Variants in SIK3 observed in about 807,000 individuals in gnomAD.
SIK3 encodes the protein SIK family kinase 3.
A neutral mutation model predicts 144.2 loss-of-function variants in SIK3; 28 were observed. The observed-to-expected ratio is 0.19, with a 90% confidence interval of 0.14 to 0.27. SIK3 has a LOEUF of 0.27. Ranked by LOEUF, SIK3 falls within the 10% of genes least tolerant of loss-of-function variation. The probability of loss-of-function intolerance (pLI) is 1.00; values close to 1 mark genes in which losing one functional copy is unlikely to be tolerated. For synonymous variants in SIK3, 686 were observed against 676.3 expected, an observed-to-expected ratio of 1.01 and a Z score of -0.22; for missense variants, 1,319 against 1,776.0, an observed-to-expected ratio of 0.74 and a Z score of 4.62.
chr11:117,001,188 T>C (rs1223092772), intron 1 of SIK3, among the ~76,000 whole-genome samples: 1 of 152,246 alleles, frequency 6.6e-6, no homozygotes, highest in Non-Finnish European at 1.5e-5. Flanking sequence ...TTGACTAATT[T>C]CTAGGTCATC....
intron 1 of SIK3, among the ~76,000 whole-genome samples, chr11:117,038,768 G>A (rs939030780): frequency 2.0e-5 from 3 of 152,044 alleles, no homozygotes; most frequent in Non-Finnish European, 4.4e-5. Context: ...TCCCACATGC[G>A]GCCAGGCGCA....
At chr11:116,906,583 A>C (rs1946052106) in intron 4 of SIK3, among the ~76,000 whole-genome samples, 1 of 152,194 alleles carries the variant, frequency 6.6e-6, no homozygotes, top group Non-Finnish European at 1.5e-5. Context: ...TAAAGGAAGA[A>C]AGTCAGGAAA....
intron 4 of SIK3, among the ~76,000 whole-genome samples, chr11:116,921,067 C>T (rs1041046241): frequency 1.3e-5 from 2 of 152,160 alleles, no homozygotes; most frequent in Non-Finnish European, 2.9e-5. Context: ...TTCAACTGCT[C>T]TTCTGTGGAT....
At chr11:116,855,458 G>A (rs1410181352) in intron 21 of SIK3, 1 of 152,266 alleles carries the variant, frequency 6.6e-6, no homozygotes, top group Non-Finnish European at 1.5e-5. Flanking sequence ...GCCGAAGAAG[G>A]GGTCCTCTGA....
intron 4 of SIK3, among the ~76,000 whole-genome samples, chr11:116,912,402 C>G (rs1946396001): frequency 6.6e-6 from 1 of 152,182 alleles, no homozygotes; most frequent in African/African-American, 2.4e-5. Context: ...AGGGCAACTG[C>G]AACAGGCAAT....
At chr11:117,036,542 A>G (rs1322235401) in intron 1 of SIK3, among the ~76,000 whole-genome samples, 1 of 152,216 alleles carries the variant, frequency 6.6e-6, no homozygotes, top group Non-Finnish European at 1.5e-5. Flanking sequence ...AGATCTACAT[A>G]TATGCTCTTT....
At chr11:117,091,669 C>T (rs1955254295) in intron 1 of SIK3, among the ~76,000 whole-genome samples, 1 of 152,180 alleles carries the variant, frequency 6.6e-6, no homozygotes. Flanking sequence ...TATTCCTCTA[C>T]AGTGAGAAAG....
intron 6 of SIK3, among the ~76,000 whole-genome samples, chr11:116,881,646 G>A (rs544037580): frequency 6.6e-6 from 1 of 152,070 alleles, no homozygotes; most frequent in East Asian, 1.9e-4. Context: ...GTGTGGATTT[G>A]ACTGAAAATA....
chr11:116,992,925 C>T (rs867732287), intron 1 of SIK3, among the ~76,000 whole-genome samples: 6 of 152,276 alleles, frequency 3.9e-5, no homozygotes, highest in Middle Eastern at 3.4e-3. Context: ...ATAGAGGCTG[C>T]AGTGAGCCGT....
chr11:117,088,326 A>G (rs564479217), intron 1 of SIK3, among the ~76,000 whole-genome samples: 2 of 152,344 alleles, frequency 1.3e-5, no homozygotes, highest in Non-Finnish European at 2.9e-5. Context: ...CCTAATAGTA[A>G]AAGTTTGAGA....
At chr11:116,911,419 A>G (rs562218353) in intron 4 of SIK3, among the ~76,000 whole-genome samples, 5 of 152,228 alleles carry the variant, frequency 3.3e-5, no homozygotes, top group African/African-American at 1.2e-4. Flanking sequence ...AGACAGGAGA[A>G]CTGCTTGAAC....
At chr11:116,964,991 T>G (rs150802971) in intron 1 of SIK3, among the ~76,000 whole-genome samples, 1 of 152,314 alleles carries the variant, frequency 6.6e-6, no homozygotes, top group East Asian at 1.9e-4. Flanking sequence ...GAATGGTGAC[T>G]GTAAAATAGT....
chr11:116,910,971 A>T (rs17120144), intron 4 of SIK3, among the ~76,000 whole-genome samples: 4,886 of 152,270 alleles, frequency 0.032, 235 homozygotes, highest in African/African-American at 0.11. Context: ...AATTGGTGAG[A>T]TCATAAAACA....
intron 6 of SIK3, among the ~76,000 whole-genome samples, chr11:116,887,164 G>C (rs185286903): frequency 4.2e-4 from 63 of 151,536 alleles, no homozygotes; most frequent in Admixed American, 3.6e-3. Context: ...CAGCATTTTG[G>C]GAGGCAGAGC....
Position 117,063,904 on chromosome 11 carries a change from CA to C in SIK3, c.273+34238del, listed in dbSNP as rs112002078. On this transcript the variant is annotated intron_variant, in intron 1 of 24. Transcript: ENST00000445177. ...GATTCCCCATCTTATAAGAAAAAGA[CA>C]AACCTTGTTGGTAATGTTAATACCA... 2.0e-3 allele frequency among the ~76,000 whole-genome samples: 297 copies of C among 152,026 alleles called. 1 individual carries two copies. The highest frequency in any genetic ancestry group is 6.8e-3 in the Middle Eastern group (2 of 294).
rs1941877274 is a variant in SIK3 at position 116,845,619 on chromosome 11, G to A, written c.*24C>T. The stretch of plus-strand genomic sequence containing the variant: ...CAATCAACCTTTTCATTCCCAAGCT[G>A]TACACAAAACCTGGAATAAAGCAGA... On this transcript the variant is annotated 3_prime_UTR_variant, in exon 25 of 25. Transcript: ENST00000445177. 1 of 152,232 alleles carries A rather than the reference G, an allele frequency of 6.6e-6. No homozygotes were observed. Among genetic ancestry groups the A allele is most frequent in the Non-Finnish European group, 1.5e-5 (1 of 68,042 alleles). 9.4% of individuals were successfully genotyped at this position (152,232 alleles called of 1,614,324 possible). A position where few individuals can be genotyped will look rare whatever the true frequency, so the allele number is the denominator to read the frequency against.
rs777348945 is a variant in SIK3 at position 116,927,365 on chromosome 11, T to C, written c.470A>G (p.His157Arg). The change falls in exon 4 of 25, where the codon CAT (histidine) becomes CGT (arginine). Residue 157 changes from histidine (H) to arginine (R), a missense_variant. By Grantham distance (29) the His-to-Arg change is conservative. Transcript: ENST00000445177. ...TGCCTCCTTTTCTGCCATTCTACCA[T>C]GGGCCACCAGGTGGTCTGTGTTGAA... ...GGEIFDHLVA[H>R]GRMAEKEARR... 2.5e-6 allele frequency: 4 copies of C among 1,612,818 alleles called. No homozygotes were observed. In the South Asian group the frequency reaches 3.3e-5, roughly 13 times the overall value.
At chr11:116,872,973 C>A (rs916623660) in intron 13 of SIK3, among the ~76,000 whole-genome samples, 1 of 152,196 alleles carries the variant, frequency 6.6e-6, no homozygotes, top group Admixed American at 6.5e-5. Flanking sequence ...GGACATGTGA[C>A]TAAGATAACT....
chr11:116,861,469 G>A, intron 18 of SIK3, 86 bp from the exon 19 acceptor site: 1 of 1,009,456 alleles, frequency 9.9e-7, no homozygotes, highest in Non-Finnish European at 1.5e-6. Context: ...ATATATCAGT[G>A]GAAACTATTT....
Sources: gnomAD v4.1 joint callset for allele counts (sites outside exome capture counted in the v4.1 genomes callset) on GRCh38, gnomAD v4.1.1 for gene constraint, MANE v1.5 for transcripts, NCBI Gene and HGNC (gene_info 2026-07-23, HGNC 2026-07-21) for gene names.